Variants in TBC1D5 observed in about 807,000 individuals in gnomAD.
TBC1D5 encodes TBC1 domain family, member 5.
A neutral mutation model predicts 100.3 loss-of-function variants in TBC1D5; 75 were observed. The ratio of observed to expected loss-of-function variants is 0.75; its 90% CI spans 0.62 to 0.91. The LOEUF is 0.91. TBC1D5 is among the 40% of genes least tolerant of loss of function. The pLI is 0.00. For missense variants in TBC1D5, 910 were observed against 942.4 expected (o/e 0.97, Z 0.45); for synonymous variants, 323 against 325.6 (o/e 0.99, Z 0.09).
intron 21 of TBC1D5, 130 bp from the exon 23 acceptor site, chr3:17,161,386 G>A (rs1350007673): frequency 9.4e-7 from 1 of 1,064,974 alleles, no homozygotes; most frequent in Admixed American, 2.7e-5. Flanking sequence ...GACCTTGAAA[G>A]ACGCAGTGTT....
chr3:17,324,256 G>C (rs952062728), intron 13 of TBC1D5, among the ~76,000 whole-genome samples: 14 of 152,176 alleles, frequency 9.2e-5, no homozygotes, highest in Non-Finnish European at 1.9e-4. Context: ...GATAGGTAAA[G>C]ATTTCTTAGG....
intron 1 of TBC1D5, among the ~76,000 whole-genome samples, chr3:17,666,217 C>G (rs2067238979): frequency 6.6e-6 from 1 of 152,124 alleles, no homozygotes; most frequent in South Asian, 2.1e-4. Flanking sequence ...TTCAGCAACT[C>G]CCTATACATA....
At chr3:17,462,352 C>T (rs1328552569) in intron 3 of TBC1D5, among the ~76,000 whole-genome samples, 4 of 139,224 alleles carry the variant, frequency 2.9e-5, no homozygotes, top group Non-Finnish European at 4.5e-5. Flanking sequence ...GAGCCAGGGT[C>T]TCACTGTCAC....
intron 14 of TBC1D5, among the ~76,000 whole-genome samples, chr3:17,299,845 C>T (rs1173354732): frequency 7.2e-5 from 8 of 111,728 alleles, no homozygotes; most frequent in Admixed American, 4.3e-4. Context: ...GACGACAGAG[C>T]GAGACTCCGT....
chr3:17,453,173 G>A (rs2094969517), intron 3 of TBC1D5, among the ~76,000 whole-genome samples: 1 of 150,408 alleles, frequency 6.6e-6, no homozygotes, highest in Middle Eastern at 3.5e-3. Flanking sequence ...GCAGTAGTAA[G>A]AGGGAAATTT....
chr3:17,558,801 G>A (rs1170721913), intron 2 of TBC1D5, among the ~76,000 whole-genome samples: 2 of 152,140 alleles, frequency 1.3e-5, no homozygotes, highest in African/African-American at 4.8e-5. Flanking sequence ...ACACAACTGT[G>A]AATTTCATAT....
At chr3:17,334,775 G>A (rs2087429001) in intron 13 of TBC1D5, among the ~76,000 whole-genome samples, 1 of 151,980 alleles carries the variant, frequency 6.6e-6, no homozygotes, top group African/African-American at 2.4e-5. Context: ...ATAATTTCTG[G>A]ATAAGCCGTT....
chr3:17,160,599 G>A (rs183882774), exon 22 of TBC1D5: 4 of 209,018 alleles, frequency 1.9e-5, no homozygotes, highest in South Asian at 1.3e-4. Flanking sequence ...ACTGATGGAG[G>A]TGCCACACAT....
chr3:17,465,556 A>C (rs1042556779), intron 3 of TBC1D5: 1 of 152,354 alleles, frequency 6.6e-6, no homozygotes, highest in Admixed American at 6.5e-5. Context: ...AATCACCAAA[A>C]ATAAACATAA....
intron 13 of TBC1D5, among the ~76,000 whole-genome samples, chr3:17,346,433 A>G (rs1228171238): frequency 1.3e-5 from 2 of 152,078 alleles, no homozygotes; most frequent in Non-Finnish European, 2.9e-5. Context: ...CCATTTTTCT[A>G]TTCAGTTACT....
intron 2 of TBC1D5, among the ~76,000 whole-genome samples, chr3:17,582,789 AAAAAAC>A (rs901161755): frequency 2.0e-5 from 3 of 151,968 alleles, no homozygotes; most frequent in Non-Finnish European, 4.4e-5. Flanking sequence ...AAAAAGCAAA[AAAAAAC>A]AAAAACAAAA....
chr3:17,482,322 T>A (rs2095511533), intron 3 of TBC1D5, among the ~76,000 whole-genome samples: 1 of 152,152 alleles, frequency 6.6e-6, no homozygotes, highest in African/African-American at 2.4e-5. Flanking sequence ...GTACTGGATA[T>A]AGAAAGGTAA....
intron 3 of TBC1D5, among the ~76,000 whole-genome samples, chr3:17,441,880 A>C (rs918924861): frequency 1.3e-5 from 2 of 152,030 alleles, no homozygotes; most frequent in African/African-American, 4.8e-5. Flanking sequence ...CCAGAAGAAA[A>C]GTACATCATA....
intron 1 of TBC1D5, among the ~76,000 whole-genome samples, chr3:17,701,202 C>T (rs996394489): frequency 6.6e-6 from 1 of 152,026 alleles, no homozygotes; most frequent in Non-Finnish European, 1.5e-5. Flanking sequence ...AGCTGGAAAC[C>T]ATCATTCTCA....
At chr3:17,428,162 T>C (rs1048897626) in intron 4 of TBC1D5, among the ~76,000 whole-genome samples, 4 of 151,824 alleles carry the variant, frequency 2.6e-5, no homozygotes, top group Non-Finnish European at 5.9e-5. Flanking sequence ...GAATACTACA[T>C]GTGCATTCAT....
At chr3:17,538,979 C>T (rs1435183899) in intron 2 of TBC1D5, among the ~76,000 whole-genome samples, 1 of 152,072 alleles carries the variant, frequency 6.6e-6, no homozygotes, top group Non-Finnish European at 1.5e-5. Flanking sequence ...ATCATAAGTT[C>T]AAGACCAGCC....
chr3:17,542,527 TATA>T (rs2096368888), intron 2 of TBC1D5, among the ~76,000 whole-genome samples: 1 of 152,196 alleles, frequency 6.6e-6, no homozygotes, highest in South Asian at 2.1e-4. Context: ...TCTTATCATA[TATA>T]ATATTTGCAT....
chr3:17,573,578 C>T (rs1460876809), intron 2 of TBC1D5, among the ~76,000 whole-genome samples: 3 of 152,050 alleles, frequency 2.0e-5, no homozygotes, highest in Admixed American at 6.6e-5. Flanking sequence ...CTATTTATAG[C>T]CTCAGGTCTC....
chr3:17,408,679 T>A (rs1378721060), intron 4 of TBC1D5, among the ~76,000 whole-genome samples: 1 of 152,124 alleles, frequency 6.6e-6, no homozygotes, highest in East Asian at 1.9e-4. Flanking sequence ...TGTGCCTTAT[T>A]GATTAAAGAG....
Sources: allele counts gnomAD v4.1 joint callset (sites outside exome capture counted in the v4.1 genomes callset), GRCh38; gene constraint gnomAD v4.1.1; transcripts MANE v1.5; gene names NCBI Gene and HGNC (gene_info 2026-07-23, HGNC 2026-07-21).